Variants in FYB1 observed in about 807,000 individuals in gnomAD.
FYB1 encodes the protein FYN binding protein 1.
A neutral mutation model predicts 94.1 loss-of-function variants in FYB1; 41 were observed. The observed-to-expected ratio is 0.44, with a 90% CI of 0.34 to 0.57. FYB1 has a LOEUF of 0.57. Among genes scored for constraint, FYB1 ranks in the 20% least tolerant of loss-of-function variants. FYB1 has a pLI of 0.02. For synonymous variants in FYB1, 367 were observed against 353.2 expected, an observed-to-expected ratio of 1.04 and a Z score of -0.44; for missense variants, 1,050 against 976.8, an observed-to-expected ratio of 1.07 and a Z score of -1.00.
intron 2 of FYB1, 116 bp from the exon 3 acceptor site, chr5:39,153,720 T>A: frequency 1.2e-6 from 1 of 822,250 alleles, no homozygotes; most frequent in Non-Finnish European, 1.9e-6. Context: ...AACAACTGGC[T>A]ATATGGAATT....
intron 1 of FYB1, among the ~76,000 whole-genome samples, chr5:39,207,605 G>A (rs537179251): frequency 1.4e-3 from 211 of 152,232 alleles, no homozygotes; most frequent in Admixed American, 3.7e-3. Context: ...AAAGAAAATC[G>A]TCCCTTTTGT....
intron 2 of FYB1, among the ~76,000 whole-genome samples, chr5:39,158,731 C>T (rs748483622): frequency 6.6e-6 from 1 of 152,002 alleles, no homozygotes; most frequent in African/African-American, 2.4e-5. Flanking sequence ...CTTCATGTCC[C>T]GAGGGGCATA....
At chr5:39,146,830 T>C (rs1317671491) in intron 3 of FYB1, among the ~76,000 whole-genome samples, 1 of 152,148 alleles carries the variant, frequency 6.6e-6, no homozygotes, top group Non-Finnish European at 1.5e-5. Flanking sequence ...TTATAATATG[T>C]ATATTATTAA....
intron 1 of FYB1, among the ~76,000 whole-genome samples, chr5:39,248,506 T>C (rs1751578363): frequency 6.6e-6 from 1 of 152,110 alleles, no homozygotes; most frequent in South Asian, 2.1e-4. Flanking sequence ...TGGAGAAACC[T>C]CGAAGACGTA....
intron 14 of FYB1, among the ~76,000 whole-genome samples, 161 bp from the exon 15 acceptor site, chr5:39,119,795 T>C (rs1215158747): frequency 1.3e-5 from 2 of 152,132 alleles, no homozygotes; most frequent in African/African-American, 4.8e-5. Flanking sequence ...ATGATGACAT[T>C]CCATAATGTA....
intron 1 of FYB1, among the ~76,000 whole-genome samples, chr5:39,211,895 G>A (rs1012149315): frequency 7.2e-5 from 11 of 152,142 alleles, no homozygotes; most frequent in African/African-American, 2.7e-4. Context: ...GAGTGAAGTG[G>A]GGGTGGAGGA....
chr5:39,124,082 T>C (rs1740390028), intron 13 of FYB1, among the ~76,000 whole-genome samples, 171 bp downstream of exon 13: 1 of 152,148 alleles, frequency 6.6e-6, no homozygotes, highest in African/African-American at 2.4e-5. Flanking sequence ...CATCTTGCTA[T>C]TTTATCATTG....
Position 39,162,511 on chromosome 5 carries a change from C to T in FYB1, c.1136-8907G>A, listed in dbSNP as rs182948178. ...ACCATCCTGGCCAACATGGTGAAACCCCGTCTCTACTAAAAATACAAAAAT... is the reference window on the plus strand; with the variant it reads ...ACCATCCTGGCCAACATGGTGAAACTCCGTCTCTACTAAAAATACAAAAAT... On this transcript the variant is annotated intron_variant, in intron 2 of 18. Transcript: ENST00000512982. Among the ~76,000 whole-genome samples the T allele has an allele frequency of 2.9e-3, 444 of 152,106 alleles. 2 individuals are homozygous for T. Among genetic ancestry groups the T allele is most frequent in the African/African-American group, 0.011 (436 of 41,472 alleles).
In FYB1 at chr5:39,109,260, C is replaced by T. The variant is rs374257663; in HGVS notation, c.2436-998G>A. Reference sequence around the variant, plus strand: ...TGAGATGGAGGGAGGGTTTGGCTAACGGAAATCTCATCCAAATGCGAGCAG... The same window carrying T: ...TGAGATGGAGGGAGGGTTTGGCTAATGGAAATCTCATCCAAATGCGAGCAG... On this transcript the variant is annotated intron_variant, in intron 17 of 18. Coordinates refer to ENST00000512982, the MANE Select transcript of FYB1 (RefSeq NM_001465.6). Among the ~76,000 whole-genome samples, 177 of 151,952 alleles carry T rather than the reference C, an allele frequency of 1.2e-3. 1 individual carries two copies. Among genetic ancestry groups the T allele is most frequent in the African/African-American group, 4.1e-3 (168 of 41,448 alleles).
At chr5:39,110,915 A>G (rs1739019301) in intron 16 of FYB1, 1 of 209,980 alleles carries the variant, frequency 4.8e-6, no homozygotes, top group South Asian at 5.8e-5. Flanking sequence ...AGTCTCAAAC[A>G]GGTCTCTTTT....
chr5:39,246,294 A>T (rs1751475754), intron 1 of FYB1, among the ~76,000 whole-genome samples: 1 of 152,154 alleles, frequency 6.6e-6, no homozygotes, highest in Admixed American at 6.5e-5. Flanking sequence ...AAAATTGTAG[A>T]TGTTTAAAGC....
chr5:39,244,288 T>C (rs1579771534), intron 1 of FYB1, among the ~76,000 whole-genome samples: 1 of 152,156 alleles, frequency 6.6e-6, no homozygotes, highest in East Asian at 1.9e-4. Flanking sequence ...TTGTCATAAA[T>C]AGCCCGTATT....
intron 1 of FYB1, among the ~76,000 whole-genome samples, chr5:39,217,817 T>G (rs1749985539): frequency 6.6e-6 from 1 of 152,206 alleles, no homozygotes; most frequent in South Asian, 2.1e-4. Flanking sequence ...TAGTAACACC[T>G]CAGACAAATG....
At chr5:39,232,552 T>A (rs1194544553) in intron 1 of FYB1, among the ~76,000 whole-genome samples, 1 of 149,698 alleles carries the variant, frequency 6.7e-6, no homozygotes. Context: ...TATTTATTTT[T>A]TATTTATTTT....
intron 2 of FYB1, among the ~76,000 whole-genome samples, chr5:39,167,586 CTG>C (rs1744853634): frequency 6.6e-6 from 1 of 152,142 alleles, no homozygotes; most frequent in Non-Finnish European, 1.5e-5. Context: ...CCAGAGTATT[CTG>C]TGTTAGGGAT....
In FYB1 at chr5:39,202,528, C is replaced by T. The variant is rs755434720; in HGVS notation, c.433G>A (p.Asp145Asn). 2 of 1,613,930 alleles carry T rather than the reference C, an allele frequency of 1.2e-6. No homozygotes were observed. Among genetic ancestry groups the T allele is most frequent in the South Asian group, 2.2e-5 (2 of 91,080 alleles). Residue 145 changes from aspartate to asparagine, a missense_variant, in exon 2 of 19, where the codon GAC (aspartate) becomes AAC (asparagine). Asp to Asn is a conservative substitution (Grantham distance 23). Transcript: ENST00000512982. ...NKPSLHSVNQ[D>N]HDLKPLGPKS... is the part of the protein sequence containing the mutation. Reference sequence around the variant, plus strand: ...GGGCCTAGTGGCTTTAAGTCATGGTCTTGGTTTACACTGTGAAGAGATGGC... The same window carrying T: ...GGGCCTAGTGGCTTTAAGTCATGGTTTTGGTTTACACTGTGAAGAGATGGC...
chr5:39,215,501 C>A (rs1001350151), intron 1 of FYB1, among the ~76,000 whole-genome samples: 1 of 152,160 alleles, frequency 6.6e-6, no homozygotes, highest in African/African-American at 2.4e-5. Context: ...GTCCAACCCA[C>A]CCTGCTGTGC....
chr5:39,150,691 C>T (rs999046271), intron 3 of FYB1, among the ~76,000 whole-genome samples: 7 of 152,188 alleles, frequency 4.6e-5, no homozygotes, highest in Non-Finnish European at 2.9e-5. Flanking sequence ...CATTTTCCTT[C>T]ATACACTAAA....
intron 7 of FYB1, among the ~76,000 whole-genome samples, chr5:39,135,950 T>C (rs1741640092): frequency 6.6e-6 from 1 of 152,194 alleles, no homozygotes; most frequent in Admixed American, 6.5e-5. Context: ...CTTTTCTTAC[T>C]AAAAATATTA....
Sources: allele counts gnomAD v4.1 joint callset (sites outside exome capture counted in the v4.1 genomes callset), GRCh38; gene constraint gnomAD v4.1.1; transcripts MANE v1.5; gene names NCBI Gene and HGNC (gene_info 2026-07-23, HGNC 2026-07-21).